RGS12: variants seen among roughly 807,000 people sequenced by gnomAD.
RGS12 encodes the protein regulator of G-protein signaling 12.
RGS12 carries 66 observed loss-of-function variants against 120.1 expected under a neutral mutation model. The observed-to-expected ratio is 0.55, with a 90% CI of 0.45 to 0.67. The LOEUF (loss-of-function observed/expected upper bound fraction) is 0.67, where lower values mean the gene tolerates loss of function less well. Ranked by LOEUF, RGS12 falls within the 30% of genes least tolerant of loss-of-function variation. The pLI, the probability that RGS12 is intolerant of heterozygous loss-of-function variation, is 0.00. For missense variants in RGS12, 1,859 were observed against 1,957.7 expected (o/e 0.95, Z 0.95); for synonymous variants, 827 against 804.7 (o/e 1.03, Z -0.47).
At position 3,343,029 on chromosome 4, in the gene RGS12, C is replaced by T. The variant is rs972730970; in HGVS notation, c.1974C>T (p.Ile658=). The T allele has an allele frequency of 6.2e-6, 10 of 1,610,792 alleles. No individual in the cohort carries two copies. In the Admixed American group the frequency reaches 6.7e-5, roughly 11 times the overall value. ...RSFGRSKRFS[I]TRSLDDLESA... ...TTGGGAGATCCAAGAGATTCAGTAT[C>T]ACTCGCTCCCTTGATGATCTTGAGG... Residue 658 remains isoleucine (I), a synonymous_variant, in exon 3 of 18, where the codon ATC becomes ATT. Transcript: ENST00000336727.
chr4:3,349,278 A>G (rs930015942), intron 3 of RGS12, among the ~76,000 whole-genome samples: 21 of 152,198 alleles, frequency 1.4e-4, no homozygotes, highest in African/African-American at 4.8e-4. Context: ...GCCTTCGATG[A>G]CATCCTTAAG....
intron 1 of RGS12, among the ~76,000 whole-genome samples, chr4:3,300,573 C>G (rs530385088): frequency 6.6e-6 from 1 of 152,328 alleles, no homozygotes; most frequent in East Asian, 1.9e-4. Context: ...GGTCCCGTCA[C>G]AGTTCTGGAG....
At chr4:3,294,760 A>G (rs906870539) in intron 1 of RGS12, among the ~76,000 whole-genome samples, 49 of 152,224 alleles carry the variant, frequency 3.2e-4, no homozygotes, top group Non-Finnish European at 7.3e-5. Flanking sequence ...ACAGGCTTAC[A>G]GTTCTAGCCC....
At chr4:3,370,395 G>T (rs1716846298) in intron 3 of RGS12, 2 of 1,409,058 alleles carry the variant, frequency 1.4e-6, no homozygotes, top group Non-Finnish European at 2.0e-6. Context: ...TCCTGTTTTA[G>T]CGAGTGGCAG....
chr4:3,394,109 C>G (rs947932583), intron 4 of RGS12, among the ~76,000 whole-genome samples: 1 of 152,196 alleles, frequency 6.6e-6, no homozygotes, highest in African/African-American at 2.4e-5. Context: ...CGGCATCTCT[C>G]TGAACGTGGT....
chr4:3,395,020 AAC>A (rs1491264627), intron 4 of RGS12, among the ~76,000 whole-genome samples: 2 of 147,922 alleles, frequency 1.4e-5, no homozygotes, highest in African/African-American at 5.1e-5. Context: ...AATACAAAAA[AAC>A]AAAACAAAAC....
At chr4:3,308,353 G>C (rs1402799052) in intron 1 of RGS12, among the ~76,000 whole-genome samples, 1 of 152,254 alleles carries the variant, frequency 6.6e-6, no homozygotes, top group Admixed American at 6.5e-5. Flanking sequence ...ACAGGACTCA[G>C]GGCAGGTTTA....
intron 3 of RGS12, among the ~76,000 whole-genome samples, chr4:3,361,817 C>G (rs1367671290): frequency 1.3e-5 from 2 of 152,212 alleles, no homozygotes; most frequent in Non-Finnish European, 2.9e-5. Flanking sequence ...CAGGTTCAGA[C>G]AGAGATGGTC....
intron 4 of RGS12, among the ~76,000 whole-genome samples, chr4:3,391,569 G>A (rs1319444793): frequency 2.6e-5 from 4 of 152,170 alleles, no homozygotes; most frequent in Admixed American, 6.5e-5. Context: ...GGAAGCAGGC[G>A]CCACCCCTTC....
chr4:3,431,946 G>C lies in RGS12; in HGVS notation c.4114+991G>C, dbSNP rs1286770448. On this transcript the variant is annotated intron_variant, in intron 17 of 17. Coordinates refer to ENST00000336727, the MANE Select transcript of RGS12 (RefSeq NM_001394154.1). ...ACGTCTGTAGATCTGTACATATCTG[G>C]GCCTTTGGAGGCCACGTGTGGCATG... The C allele has an allele frequency of 3.0e-6, 3 of 985,322 alleles. No individual in the cohort carries two copies. The East Asian group carries it at 3.4e-4, about 112-fold the overall frequency. 61.0% of individuals were successfully genotyped at this position (985,322 alleles called of 1,614,324 possible).
chr4:3,402,788 T>A (rs974911149), intron 4 of RGS12, among the ~76,000 whole-genome samples: 2 of 152,238 alleles, frequency 1.3e-5, no homozygotes, highest in Non-Finnish European at 2.9e-5. Flanking sequence ...TTCATCAAAA[T>A]GAAGTAAGTC....
intron 14 of RGS12, among the ~76,000 whole-genome samples, chr4:3,426,451 A>G (rs978916899): frequency 1.3e-5 from 2 of 151,992 alleles, no homozygotes; most frequent in Non-Finnish European, 2.9e-5. Flanking sequence ...CCCTCCAGGC[A>G]CAAAACAGGA....
chr4:3,421,056 A>AC (rs1243346512), intron 10 of RGS12, among the ~76,000 whole-genome samples: 1 of 152,234 alleles, frequency 6.6e-6, no homozygotes, highest in Non-Finnish European at 1.5e-5. Flanking sequence ...CTAAGAATCA[A>AC]CAGAAGGTGT....
intron 1 of RGS12, among the ~76,000 whole-genome samples, chr4:3,299,792 C>T (rs1344126657): frequency 6.6e-6 from 1 of 152,184 alleles, no homozygotes; most frequent in African/African-American, 2.4e-5. Flanking sequence ...AGAGACTGTG[C>T]GTCCTTTATT....
intron 10 of RGS12, 130 bp from the exon 11 acceptor site, chr4:3,422,246 C>T (rs899612617): frequency 1.0e-4 from 83 of 793,660 alleles, no homozygotes; most frequent in Non-Finnish European, 1.5e-4. Context: ...TGGGGAGCTG[C>T]AGGTGGGACC....
chr4:3,322,041 G>A (rs1401043104), intron 2 of RGS12, among the ~76,000 whole-genome samples: 1 of 152,176 alleles, frequency 6.6e-6, no homozygotes, highest in Non-Finnish European at 1.5e-5. Context: ...CTTTGCCAAC[G>A]CTTTTGTCAC....
chr4:3,408,643 G>GT (rs1459866921), intron 4 of RGS12, among the ~76,000 whole-genome samples: 1 of 152,164 alleles, frequency 6.6e-6, no homozygotes, highest in Non-Finnish European at 1.5e-5. Context: ...GAGGGTCCAC[G>GT]TGCCCAGCAG....
intron 4 of RGS12, among the ~76,000 whole-genome samples, chr4:3,404,347 ATGGTAGGTATTCACGAGGCC>A (rs1171382027): frequency 6.6e-6 from 1 of 152,240 alleles, no homozygotes; most frequent in East Asian, 1.9e-4. Flanking sequence ...TAGTGACTGC[ATGGTAGGTATTCACGAGGCC>A]TGGCTGTTTC....
At chr4:3,388,607 C>T (rs1719115762) in intron 4 of RGS12, among the ~76,000 whole-genome samples, 2 of 152,078 alleles carry the variant, frequency 1.3e-5, no homozygotes, top group Admixed American at 1.3e-4. Context: ...CCTCCACACG[C>T]CCAGCCCCAT....
Sources: gnomAD v4.1 joint callset for allele counts (sites outside exome capture counted in the v4.1 genomes callset) on GRCh38, gnomAD v4.1.1 for gene constraint, MANE v1.5 for transcripts, NCBI Gene and HGNC (gene_info 2026-07-23, HGNC 2026-07-21) for gene names.